Variants in ACR observed in about 807,000 individuals in gnomAD.
The protein encoded by ACR is acrosin, also known as acrosin light and heavy chain prepropeptide.
Under a neutral mutation model 26.0 loss-of-function variants are expected in ACR, and 17 were observed. The ratio of observed to expected loss-of-function variants is 0.65; its 90% CI spans 0.45 to 0.98. The LOEUF is 0.98. ACR is among the 50% of genes least tolerant of loss of function. ACR has a pLI of 0.00. For synonymous variants in ACR, 199 were observed against 207.7 expected (o/e 0.96, Z 0.36); for missense variants, 435 against 519.3 (o/e 0.84, Z 1.58).
In ACR at chr22:50,739,309, G is replaced by C; in HGVS notation, c.116G>C (p.Gly39Ala). Residue 39 changes from glycine to alanine, a missense_variant, in exon 2 of 5, where the codon GGT (glycine) becomes GCT (alanine). By Grantham distance (60) the Gly-to-Ala change is moderately conservative. This residue lies in a region of ACR where 314 missense variants were observed against 372.0 expected (regional missense o/e 0.84). Coordinates refer to ENST00000216139, the MANE Select transcript of ACR (RefSeq NM_001097.3). The surrounding 1 kb of genome is among the most constrained non-coding windows in gnomAD (Gnocchi z 5.5). ...TTACGGTTCAGGCAAAACCCACAGG[G>C]TGGTGTCCGCATCGTCGGCGGGAAG... ...CGLRFRQNPQ[G>A]GVRIVGGKAA... The C allele has an allele frequency of 6.3e-7, 1 of 1,599,562 alleles. No individual in the cohort carries two copies. Among genetic ancestry groups the C allele is most frequent in the Non-Finnish European group, 8.5e-7 (1 of 1,172,694 alleles).
At chr22:50,740,767 C>T (rs1029145816) in intron 3 of ACR, 1 of 701,608 alleles carries the variant, frequency 1.4e-6, no homozygotes, top group Non-Finnish European at 2.6e-6. Flanking sequence ...ACACTCGACA[C>T]CAGATGAGTT....
intron 1 of ACR, 32 bp downstream of exon 1, chr22:50,738,344 ATCT>A: frequency 1.2e-6 from 2 of 1,607,668 alleles, no homozygotes; most frequent in Non-Finnish European, 1.7e-6. Context: ...TGGGGGAAGG[ATCT>A]TCTGAGGAGC....
At position 50,744,176 on chromosome 22, in the gene ACR, G is replaced by T; in HGVS notation, c.681G>T (p.Gly227=). The T allele has an allele frequency of 1.9e-6, 3 of 1,613,792 alleles. No individual in the cohort carries two copies. Among genetic ancestry groups the T allele is most frequent in the East Asian group, 2.2e-5 (1 of 44,870 alleles). Residue 227 remains glycine, a synonymous_variant, in exon 4 of 5, where the codon GGG becomes GGT. Coordinates refer to ENST00000216139, the MANE Select transcript of ACR (RefSeq NM_001097.3). The part of the protein sequence containing the change: ...GRVQPTNVCA[G]YPVGKIDTCQ... ...TTCAGCCAACCAATGTGTGCGCGGG[G>T]TATCCTGTAGGCAAGATCGACACCT...
chr22:50,743,069 T>C (rs1426546997), intron 3 of ACR, among the ~76,000 whole-genome samples: 2 of 151,936 alleles, frequency 1.3e-5, no homozygotes, highest in Non-Finnish European at 2.9e-5. Flanking sequence ...GGAGTCTCGC[T>C]CTGTGGCCCG....
intron 3 of ACR, chr22:50,740,446 C>A: frequency 1.6e-6 from 1 of 618,450 alleles, no homozygotes; most frequent in Non-Finnish European, 2.9e-6. Context: ...GATTCCAGGG[C>A]CCAGCCTTCC....
At chr22:50,740,918 GA>G (rs2083422376) in intron 3 of ACR, 1 of 545,814 alleles carries the variant, frequency 1.8e-6, no homozygotes, top group Admixed American at 3.2e-5. Context: ...GCACACTAGA[GA>G]TACCATTTAT....
In ACR at chr22:50,739,883, C is replaced by T. The variant is rs1290415814; in HGVS notation, c.471C>T (p.Phe157=). The T allele has an allele frequency of 6.2e-7, 1 of 1,612,996 alleles. No homozygotes were observed. Among genetic ancestry groups the T allele is most frequent in the East Asian group, 2.2e-5 (1 of 44,864 alleles). Residue 157 remains phenylalanine, a synonymous_variant, in exon 3 of 5, where the codon TTC becomes TTT. Coordinates refer to ENST00000216139, the MANE Select transcript of ACR (RefSeq NM_001097.3). The surrounding 1 kb of genome is among the most constrained non-coding windows in gnomAD (Gnocchi z 5.5). The part of the protein sequence containing the change: ...EITPPISCGR[F]IGPGCLPHFK... ...CCCCTCCCATTTCGTGTGGGCGCTT[C>T]ATTGGGCCGGGCTGCCTGCCCCACT...
Position 50,739,960 on chromosome 22 carries a change from G to T in ACR, c.548G>T (p.Gly183Val). ...CAGAGCTGCTGGGTGGCCGGCTGGG[G>T]ATATATAGAAGAGAAAGGTGAGTAT... ...GSQSCWVAGW[G>V]YIEEKAPRPS... The change falls in exon 3 of 5, where the codon GGA becomes GTA. Residue 183 changes from glycine to valine, a missense_variant. Coordinates refer to ENST00000216139, the MANE Select transcript of ACR (RefSeq NM_001097.3). This position sits in a 1 kb window ranked among gnomAD's most constrained non-coding sequence, Gnocchi z 5.5. 6.2e-7 allele frequency: 1 copy of T among 1,613,720 alleles called. No homozygotes were observed. The highest frequency in any genetic ancestry group is 8.5e-7 in the Non-Finnish European group (1 of 1,180,022).
At chr22:50,743,296 A>G (rs1464650065) in intron 3 of ACR, among the ~76,000 whole-genome samples, 5 of 152,170 alleles carry the variant, frequency 3.3e-5, no homozygotes, top group Admixed American at 1.3e-4. Flanking sequence ...CGGCCTCCCA[A>G]AGTGCTGGGA....
At chr22:50,743,124 C>T (rs1317901216) in intron 3 of ACR, among the ~76,000 whole-genome samples, 2 of 151,154 alleles carry the variant, frequency 1.3e-5, no homozygotes, top group East Asian at 1.9e-4. Context: ...CAAGCTCCGC[C>T]TCCCGGGTTC....
At chr22:50,743,186 C>T (rs2083433746) in intron 3 of ACR, among the ~76,000 whole-genome samples, 1 of 149,900 alleles carries the variant, frequency 6.7e-6, no homozygotes, top group African/African-American at 2.5e-5. Flanking sequence ...CAGGCGCCCG[C>T]CACCATGCCT....
At position 50,739,766 on chromosome 22, in the gene ACR, G is replaced by A. The variant is rs374489453; in HGVS notation, c.354G>A (p.Ala118=). The stretch of plus-strand genomic sequence containing the variant: ...ATGGGAACAATAAACCAGTAAAGGC[G>A]CCTCTGCAAGAGAGATATGTGGAGA... ...ITYGNNKPVK[A]PLQERYVEKI... Residue 118 remains alanine, a synonymous_variant, in exon 3 of 5, where the codon GCG becomes GCA. Coordinates refer to ENST00000216139, the MANE Select transcript of ACR (RefSeq NM_001097.3). This position sits in a 1 kb window ranked among gnomAD's most constrained non-coding sequence, Gnocchi z 5.5. The A allele has an allele frequency of 1.7e-4, 267 of 1,583,218 alleles. No homozygotes were observed. Among genetic ancestry groups the A allele is most frequent in the Middle Eastern group, 8.5e-4 (5 of 5,914 alleles).
At chr22:50,740,781 G>C in intron 3 of ACR, 1 of 696,810 alleles carries the variant, frequency 1.4e-6, no homozygotes, top group East Asian at 2.7e-5. Flanking sequence ...ATGAGTTCTA[G>C]AAGAGTAGGG....
rs775336676 is a variant in ACR at position 50,739,512 on chromosome 22, G to A, written c.281+38G>A. 30 of 1,610,102 alleles carry A rather than the reference G, an allele frequency of 1.9e-5. No individual in the cohort carries two copies. The East Asian group carries it at 3.8e-4, about 20-fold the overall frequency. On this transcript the variant is annotated intron_variant, in intron 2 of 4. Transcript: ENST00000216139. The surrounding 1 kb of genome is among the most constrained non-coding windows in gnomAD (Gnocchi z 5.5). ...ATGCACTGAGGGAGGTCTTCAGAAC[G>A]GCTCTTCTCAGAGAGGGGCGTTCCC...
chr22:50,740,842 T>C (rs2083422041), intron 3 of ACR: 3 of 626,198 alleles, frequency 4.8e-6, no homozygotes, highest in Non-Finnish European at 5.8e-6. Context: ...AGGTGTGACC[T>C]AGAACAAATT....
chr22:50,741,953 G>A (rs1279702362), intron 3 of ACR, among the ~76,000 whole-genome samples: 3 of 151,600 alleles, frequency 2.0e-5, no homozygotes, highest in Admixed American at 1.3e-4. Flanking sequence ...TGGCCAACAT[G>A]GTGAAACCCA....
chr22:50,739,661 C>T lies in ACR; in HGVS notation c.282-33C>T, dbSNP rs752065858. ...CGCTGTCACCAGGCTTTTGTCCAGC[C>T]GGTTGTGACCTGGCTTACCTTTGTG... On this transcript the variant is annotated intron_variant, in intron 2 of 4. Coordinates refer to ENST00000216139, the MANE Select transcript of ACR (RefSeq NM_001097.3). The surrounding 1 kb of genome is among the most constrained non-coding windows in gnomAD (Gnocchi z 5.5). The T allele has an allele frequency of 3.3e-5, 51 of 1,537,548 alleles. 1 individual carries two copies. The South Asian group carries it at 4.3e-4, about 13-fold the overall frequency.
intron 3 of ACR, among the ~76,000 whole-genome samples, chr22:50,742,937 C>T (rs1026097442): frequency 1.9e-5 from 2 of 107,882 alleles, no homozygotes; most frequent in African/African-American, 6.3e-5. Context: ...GTTGGGGACC[C>T]TTCTGTCTGT....
Position 50,744,671 on chromosome 22 carries a change from C to G in ACR, c.730C>G (p.Leu244Val). 2.5e-6 allele frequency: 4 copies of G among 1,611,888 alleles called. No homozygotes were observed. Among genetic ancestry groups the G allele is most frequent in the Non-Finnish European group, 3.4e-6 (4 of 1,179,054 alleles). Residue 244 changes from leucine to valine, a missense_variant, in exon 5 of 5, where the codon CTC (leucine) becomes GTC (valine). Coordinates refer to ENST00000216139, the MANE Select transcript of ACR (RefSeq NM_001097.3). ...DTCQGDSGGP[L>V]MCKDSKESAY... ...TGGACAGGGAGACAGCGGCGGGCCT[C>G]TCATGTGCAAAGACAGCAAGGAAAG... is the stretch of plus-strand genomic sequence containing the variant.
Sources: gnomAD v4.1 joint callset for allele counts (sites outside exome capture counted in the v4.1 genomes callset) on GRCh38, gnomAD v4.1.1 for gene constraint, gnomAD v4.1.1 regional missense constraint, Gnocchi (gnomAD v3.1) non-coding constraint, MANE v1.5 for transcripts, NCBI Gene and HGNC (gene_info 2026-07-23, HGNC 2026-07-21) for gene names.